WDR7: variants seen among roughly 807,000 people sequenced by gnomAD.
The protein encoded by WDR7 is WD repeat domain 7.
A neutral mutation model predicts 169.4 loss-of-function variants in WDR7; 46 were observed. The ratio of observed to expected loss-of-function variants is 0.27; its 90% CI spans 0.21 to 0.35. The LOEUF is 0.35. Among genes scored for constraint, WDR7 ranks in the 10% least tolerant of loss-of-function variants. WDR7 has a pLI of 1.00. For synonymous variants in WDR7, 612 were observed against 666.8 expected (o/e 0.92, Z 1.27); for missense variants, 1,534 against 1,859.3 (o/e 0.83, Z 3.22).
intron 21 of WDR7, among the ~76,000 whole-genome samples, chr18:56,923,192 G>A (rs542162125): frequency 1.1e-4 from 17 of 152,224 alleles, no homozygotes; most frequent in African/African-American, 3.9e-4. Flanking sequence ...ATGTCAAAAT[G>A]CCTTCTGAAG....
At chr18:57,014,187 G>A (rs12456832) in intron 26 of WDR7, among the ~76,000 whole-genome samples, 5 of 151,796 alleles carry the variant, frequency 3.3e-5, no homozygotes, top group South Asian at 2.1e-4. Context: ...TTAGCTGGGC[G>A]TCATGGCATG....
intron 26 of WDR7, among the ~76,000 whole-genome samples, chr18:56,989,227 T>C (rs1466723685): frequency 6.6e-6 from 1 of 152,212 alleles, no homozygotes; most frequent in Non-Finnish European, 1.5e-5. Context: ...TCCAGTGTGA[T>C]AGCCATTAGC....
Position 57,028,797 on chromosome 18 carries a change from C to CA in WDR7, c.*1593dup, listed in dbSNP as rs2048405196. The CA allele has an allele frequency of 6.6e-6, 1 of 152,572 alleles. No individual in the cohort carries two copies. The highest frequency in any genetic ancestry group is 6.5e-5 in the Admixed American group (1 of 15,270). The allele number at this position is 152,572 out of a possible 1,614,324, so 9.5% of individuals were successfully genotyped here. A position where few individuals can be genotyped will look rare whatever the true frequency, so the allele number is the denominator to read the frequency against. On this transcript the variant is annotated 3_prime_UTR_variant, in exon 28 of 28. Coordinates refer to ENST00000254442, the MANE Select transcript of WDR7 (RefSeq NM_015285.3). ...GATATGATGTTATTTCCATTGACGG[C>CA]AAATCTATACTGTTCCTTGGTTTTA...
rs1178270034 is a variant in WDR7 at position 56,836,872 on chromosome 18, G to A, written c.3304+20728G>A. ...GTAATACCTTTTTGTCATTTTAATA[G>A]GATAATTATTAGTGTATTAATTCTT... On this transcript the variant is annotated intron_variant, in intron 20 of 27. Coordinates refer to ENST00000254442, the MANE Select transcript of WDR7 (RefSeq NM_015285.3). Among the ~76,000 whole-genome samples the A allele has an allele frequency of 5.3e-5, 8 of 152,156 alleles. No individual in the cohort carries two copies. The East Asian group carries it at 1.5e-3, about 29-fold the overall frequency.
chr18:56,766,119 C>T (rs754069887), intron 16 of WDR7, among the ~76,000 whole-genome samples: 1 of 150,650 alleles, frequency 6.6e-6, no homozygotes, highest in Non-Finnish European at 1.5e-5. Flanking sequence ...TGCATTAGTT[C>T]TAACAAGATC....
Position 56,681,400 on chromosome 18 carries a change from C to A in WDR7, c.345+9C>A. On this transcript the variant is annotated intron_variant, in intron 4 of 27. Coordinates refer to ENST00000254442, the MANE Select transcript of WDR7 (RefSeq NM_015285.3). ...CACATACTGGCATACAGGTTAGTTT[C>A]TATTTCTGTGACTCTAAGTACAAAC... The A allele has an allele frequency of 6.5e-7, 1 of 1,548,974 alleles. No homozygotes were observed. Among genetic ancestry groups the A allele is most frequent in the Non-Finnish European group, 8.7e-7 (1 of 1,151,802 alleles).
intron 26 of WDR7, among the ~76,000 whole-genome samples, chr18:56,994,734 T>C (rs1041141629): frequency 6.6e-6 from 1 of 152,220 alleles, no homozygotes; most frequent in Non-Finnish European, 1.5e-5. Flanking sequence ...GTAGTGATCA[T>C]TATGGGAAGA....
chr18:56,775,501 T>C (rs2044228235), intron 16 of WDR7, among the ~76,000 whole-genome samples: 1 of 152,162 alleles, frequency 6.6e-6, no homozygotes, highest in Non-Finnish European at 1.5e-5. Context: ...GTAGGTCTTA[T>C]GAAATATAGA....
intron 20 of WDR7, among the ~76,000 whole-genome samples, chr18:56,826,286 CAAT>C (rs1320322706): frequency 2.1e-5 from 2 of 93,512 alleles, no homozygotes; most frequent in African/African-American, 5.9e-5. Flanking sequence ...GTAATGACAA[CAAT>C]GTCTCATAAT....
intron 21 of WDR7, among the ~76,000 whole-genome samples, chr18:56,917,649 G>A (rs2046647489): frequency 6.6e-6 from 1 of 152,102 alleles, no homozygotes; most frequent in Non-Finnish European, 1.5e-5. Flanking sequence ...ATTTTTCACT[G>A]GTCGGTTCAT....
At chr18:57,005,915 G>A (rs1215201626) in intron 26 of WDR7, among the ~76,000 whole-genome samples, 1 of 152,162 alleles carries the variant, frequency 6.6e-6, no homozygotes, top group Admixed American at 6.5e-5. Context: ...CCACAGGTTG[G>A]ACAAGCTTGG....
chr18:56,752,803 A>G (rs1272902355), intron 14 of WDR7, among the ~76,000 whole-genome samples: 1 of 152,228 alleles, frequency 6.6e-6, no homozygotes. Flanking sequence ...AGTAATTTTC[A>G]GAAGAGAAGC....
rs2144939690 is a variant in WDR7 at position 56,756,508 on chromosome 18, ATTTATTG to A, written c.1990-68_1990-62del. 2.4e-6 allele frequency: 3 copies of A among 1,249,656 alleles called. No homozygotes were observed. The East Asian group carries it at 7.7e-5, about 32-fold the overall frequency. The allele number at this position is 1,249,656 out of a possible 1,614,324, so 77.4% of individuals were successfully genotyped here. A position where few individuals can be genotyped will look rare whatever the true frequency, so the allele number is the denominator to read the frequency against. ...AATAAGCATGTTAATTCCTCTGATT[ATTTATTG>A]TTTATTAATGAATGTATGAAATTAA... On this transcript the variant is annotated intron_variant, in intron 14 of 27. Transcript: ENST00000254442.
intron 12 of WDR7, among the ~76,000 whole-genome samples, chr18:56,705,736 C>G (rs932215796): frequency 6.6e-6 from 1 of 152,064 alleles, no homozygotes; most frequent in Non-Finnish European, 1.5e-5. Flanking sequence ...CGATGGCTCA[C>G]GCCTGTAATC....
chr18:56,861,743 G>A (rs1269853439), intron 20 of WDR7, among the ~76,000 whole-genome samples: 2 of 152,000 alleles, frequency 1.3e-5, no homozygotes, highest in Admixed American at 6.6e-5. Context: ...AAGGTTTAGC[G>A]GTTTTGAGAA....
At chr18:57,014,218 C>G (rs1044265937) in intron 26 of WDR7, among the ~76,000 whole-genome samples, 1 of 151,042 alleles carries the variant, frequency 6.6e-6, no homozygotes, top group Non-Finnish European at 1.5e-5. Context: ...CCCAGCTACT[C>G]GGGAGGCTGA....
intron 19 of WDR7, among the ~76,000 whole-genome samples, chr18:56,798,310 CACTTG>C (rs1321484908): frequency 6.6e-6 from 1 of 152,126 alleles, no homozygotes; most frequent in African/African-American, 2.4e-5. Context: ...TAACTCAGTT[CACTTG>C]ACTTGATGAG....
intron 16 of WDR7, among the ~76,000 whole-genome samples, chr18:56,762,309 G>GT (rs1424225098): frequency 6.6e-6 from 1 of 151,696 alleles, no homozygotes; most frequent in Non-Finnish European, 1.5e-5. Flanking sequence ...GTTGTGGAAT[G>GT]TTTTCTTTTT....
intron 19 of WDR7, among the ~76,000 whole-genome samples, chr18:56,801,209 G>A (rs9973047): frequency 0.13 from 20,088 of 152,086 alleles, 2,058 homozygotes; most frequent in African/African-American, 0.29. Flanking sequence ...AGACATTAAA[G>A]GTAATTCAGA....
Sources: allele counts gnomAD v4.1 joint callset (sites outside exome capture counted in the v4.1 genomes callset), GRCh38; gene constraint gnomAD v4.1.1; transcripts MANE v1.5; gene names NCBI Gene and HGNC (gene_info 2026-07-23, HGNC 2026-07-21).